The following DSCAM variants were observed in gnomAD, a reference collection of about 807,000 sequenced individuals.
DSCAM encodes the protein cell adhesion molecule DSCAM.
DSCAM carries 47 observed loss-of-function variants against 217.7 expected under a neutral mutation model. The observed-to-expected ratio is 0.22, with a 90% CI of 0.17 to 0.28. The LOEUF (loss-of-function observed/expected upper bound fraction) is 0.28. Among genes scored for constraint, DSCAM ranks in the 10% least tolerant of loss-of-function variants. The pLI, the probability that DSCAM is intolerant of heterozygous loss-of-function variation, is 1.00. For synonymous variants in DSCAM, 1,056 were observed against 1,015.3 expected, an observed-to-expected ratio of 1.04 and a Z score of -0.76; for missense variants, 2,080 against 2,618.3, an observed-to-expected ratio of 0.79 and a Z score of 4.49.
At chr21:40,840,873 G>T (rs1601333676) in intron 1 of DSCAM, among the ~76,000 whole-genome samples, 1 of 152,050 alleles carries the variant, frequency 6.6e-6, no homozygotes, top group East Asian at 1.9e-4. Flanking sequence ...AGGTGGACAG[G>T]AGTTAAGGAG....
intron 1 of DSCAM, among the ~76,000 whole-genome samples, chr21:40,758,434 G>A (rs899999576): frequency 8.7e-5 from 13 of 149,194 alleles, no homozygotes; most frequent in East Asian, 8.0e-4. Flanking sequence ...GGAGAATGGC[G>A]TGAACCCGGG....
intron 11 of DSCAM, among the ~76,000 whole-genome samples, chr21:40,226,181 C>T (rs2091331354): frequency 6.6e-6 from 1 of 152,170 alleles, no homozygotes; most frequent in Admixed American, 6.5e-5. Context: ...GTCTGGCCCT[C>T]AGAACCTGTG....
At chr21:40,705,263 G>A (rs1301440466) in intron 2 of DSCAM, among the ~76,000 whole-genome samples, 1 of 152,206 alleles carries the variant, frequency 6.6e-6, no homozygotes, top group Non-Finnish European at 1.5e-5. Flanking sequence ...ACAAATTTAT[G>A]TGCAGATTTT....
intron 3 of DSCAM, among the ~76,000 whole-genome samples, chr21:40,534,013 A>G (rs1358174766): frequency 6.6e-6 from 1 of 152,196 alleles, no homozygotes; most frequent in African/African-American, 2.4e-5. Flanking sequence ...AATTTACTTG[A>G]TAAATCTGCA....
chr21:40,289,062 G>A (rs1260337261), intron 10 of DSCAM, among the ~76,000 whole-genome samples: 1 of 152,322 alleles, frequency 6.6e-6, no homozygotes, highest in South Asian at 2.1e-4. Context: ...CATATTTGAA[G>A]ATGGAGGCAT....
chr21:40,766,165 A>G (rs2091386828), intron 1 of DSCAM, among the ~76,000 whole-genome samples: 1 of 152,180 alleles, frequency 6.6e-6, no homozygotes, highest in East Asian at 1.9e-4. Flanking sequence ...GGGAAGAAAG[A>G]CTAATTAAAT....
intron 3 of DSCAM, among the ~76,000 whole-genome samples, chr21:40,466,745 G>A (rs1218132181): frequency 6.6e-6 from 1 of 151,898 alleles, no homozygotes; most frequent in Non-Finnish European, 1.5e-5. Context: ...TTCATTGAGG[G>A]TAACATGTTA....
At position 40,672,671 on chromosome 21, in the gene DSCAM, C is replaced by T. The variant is rs545856273; in HGVS notation, c.508+20139G>A. 1.6e-3 allele frequency among the ~76,000 whole-genome samples: 247 copies of T among 152,220 alleles called. 3 individuals are homozygous for T. Among genetic ancestry groups the T allele is most frequent in the African/African-American group, 5.7e-3 (235 of 41,544 alleles). ...AGAACAGAGTGCCTAAAGGGCTTTG[C>T]CTATTATTAATGCTATTCAATTTCT... On this transcript the variant is annotated intron_variant, in intron 3 of 32. Transcript: ENST00000400454.
intron 20 of DSCAM, among the ~76,000 whole-genome samples, chr21:40,116,580 G>A (rs1453011441): frequency 6.6e-6 from 1 of 151,928 alleles, no homozygotes; most frequent in Non-Finnish European, 1.5e-5. Context: ...CTGCCATGTA[G>A]AAGCACTGCA....
intron 11 of DSCAM, among the ~76,000 whole-genome samples, chr21:40,228,602 G>T (rs1326485141): frequency 6.7e-6 from 1 of 150,346 alleles, no homozygotes; most frequent in Non-Finnish European, 1.5e-5. Flanking sequence ...CACCATCATT[G>T]CTTGTTTATT....
In DSCAM at chr21:40,339,405, G is replaced by A. The variant is rs1273606686; in HGVS notation, c.1221C>T (p.Pro407=). 4 of 1,601,450 alleles carry A rather than the reference G, an allele frequency of 2.5e-6. No individual in the cohort carries two copies. The highest frequency in any genetic ancestry group is 3.4e-6 in the Non-Finnish European group (4 of 1,173,282). The change falls in exon 7 of 33, where the codon CCC becomes CCT. Residue 407 remains proline, a synonymous_variant. Coordinates refer to ENST00000400454, the MANE Select transcript of DSCAM (RefSeq NM_001389.5). ...YVQVVLEDGT[P]KIISAFSEKV... is the part of the protein sequence containing the mutation. ...TTTCACTAAAGGCAGAAATAATTTTGGGAGTTCCATCTGCAGGAAAACAAA... is the reference window on the plus strand; with the variant it reads ...TTTCACTAAAGGCAGAAATAATTTTAGGAGTTCCATCTGCAGGAAAACAAA...
At chr21:40,143,853 C>A (rs532127129) in intron 17 of DSCAM, among the ~76,000 whole-genome samples, 157 of 152,324 alleles carry the variant, frequency 1.0e-3, no homozygotes, top group African/African-American at 3.7e-3. Context: ...CAGCTTCCTG[C>A]CTTCAAAGCT....
intron 3 of DSCAM, among the ~76,000 whole-genome samples, chr21:40,455,249 C>T (rs997108812): frequency 6.6e-6 from 1 of 152,070 alleles, no homozygotes; most frequent in Non-Finnish European, 1.5e-5. Flanking sequence ...GCCGACGAAT[C>T]ATTTGAACGA....
At chr21:40,788,526 C>T (rs1158472070) in intron 1 of DSCAM, among the ~76,000 whole-genome samples, 1 of 152,118 alleles carries the variant, frequency 6.6e-6, no homozygotes, top group Non-Finnish European at 1.5e-5. Flanking sequence ...CATATAGGTC[C>T]CTTTCTTCCA....
At chr21:40,771,570 C>G (rs1287231854) in intron 1 of DSCAM, among the ~76,000 whole-genome samples, 1 of 152,216 alleles carries the variant, frequency 6.6e-6, no homozygotes, top group Non-Finnish European at 1.5e-5. Flanking sequence ...TTCATAAAAG[C>G]AACACCGGAA....
chr21:40,810,184 T>C (rs967873930), intron 1 of DSCAM, among the ~76,000 whole-genome samples: 1 of 152,174 alleles, frequency 6.6e-6, no homozygotes, highest in African/African-American at 2.4e-5. Context: ...GGAACAACAT[T>C]GATCAAACAT....
chr21:40,410,496 T>C (rs1601621097), intron 3 of DSCAM, among the ~76,000 whole-genome samples: 2 of 151,262 alleles, frequency 1.3e-5, no homozygotes, highest in Admixed American at 6.6e-5. Context: ...AGTTCCAAAG[T>C]TGATGAAACT....
At chr21:40,181,100 C>T (rs1382094161) in intron 14 of DSCAM, among the ~76,000 whole-genome samples, 2 of 152,166 alleles carry the variant, frequency 1.3e-5, no homozygotes, top group Non-Finnish European at 2.9e-5. Flanking sequence ...CCGTGGCCTT[C>T]CCAGACTCTC....
chr21:40,126,761 C>A (rs2090098418), intron 19 of DSCAM, among the ~76,000 whole-genome samples: 3 of 152,144 alleles, frequency 2.0e-5, no homozygotes, highest in South Asian at 2.1e-4. Context: ...TTTTACTGCA[C>A]CATCTAAACT....
Sources: gnomAD v4.1 joint callset for allele counts (sites outside exome capture counted in the v4.1 genomes callset) on GRCh38, gnomAD v4.1.1 for gene constraint, MANE v1.5 for transcripts, NCBI Gene and HGNC (gene_info 2026-07-23, HGNC 2026-07-21) for gene names.